MARCHF1: variants seen among roughly 807,000 people sequenced by gnomAD.
MARCHF1 encodes membrane associated ring-CH-type finger 1, also known as E3 ubiquitin-protein ligase MARCHF1.
A neutral mutation model predicts 54.2 loss-of-function variants in MARCHF1; 40 were observed. The observed-to-expected ratio is 0.74, with a 90% CI of 0.57 to 0.96. MARCHF1 has a LOEUF of 0.96. MARCHF1 is among the 40% of genes least tolerant of loss of function. The pLI, the probability that MARCHF1 is intolerant of heterozygous loss-of-function variation, is 0.00. For missense variants in MARCHF1, 586 were observed against 656.5 expected (o/e 0.89, Z 1.17); for synonymous variants, 236 against 236.3 (o/e 1.00, Z 0.01).
chr4:164,345,146 A>G (rs996958261), intron 1 of MARCHF1, among the ~76,000 whole-genome samples: 2 of 152,204 alleles, frequency 1.3e-5, no homozygotes, highest in Non-Finnish European at 2.9e-5. Flanking sequence ...AAAAATTCCT[A>G]ACACAAATAA....
At chr4:164,068,535 A>G (rs1392287365) in intron 2 of MARCHF1, among the ~76,000 whole-genome samples, 1 of 152,066 alleles carries the variant, frequency 6.6e-6, no homozygotes, top group Non-Finnish European at 1.5e-5. Flanking sequence ...GGGGCTTAGC[A>G]CCTGGGCCAG....
chr4:163,675,318 G>C (rs1743876477), intron 5 of MARCHF1, among the ~76,000 whole-genome samples: 1 of 152,150 alleles, frequency 6.6e-6, no homozygotes, highest in Admixed American at 6.5e-5. Context: ...TACGATTTCA[G>C]AATTTTTGTT....
At chr4:163,646,038 A>G (rs969776527) in intron 5 of MARCHF1, among the ~76,000 whole-genome samples, 7 of 151,230 alleles carry the variant, frequency 4.6e-5, no homozygotes, top group African/African-American at 1.5e-4. Flanking sequence ...AAAGGAGTCT[A>G]AACAAGTTCA....
At chr4:163,609,104 T>A (rs1741238026) in intron 7 of MARCHF1, among the ~76,000 whole-genome samples, 1 of 152,062 alleles carries the variant, frequency 6.6e-6, no homozygotes, top group Non-Finnish European at 1.5e-5. Context: ...AATGCACACA[T>A]GCCGTTGTTT....
In MARCHF1 at chr4:163,803,582, G is replaced by C. The variant is rs529571973; in HGVS notation, c.111+50439C>G. The stretch of plus-strand genomic sequence containing the variant: ...GCTTTGCAAGCATATTCTCTTTCAT[G>C]TAATACTATGTACACAGCTCAAGCA... On this transcript the variant is annotated intron_variant, in intron 4 of 9. Transcript: ENST00000514618. 1.3e-4 allele frequency among the ~76,000 whole-genome samples: 20 copies of C among 152,218 alleles called. No homozygotes were observed. In the East Asian group the frequency reaches 3.3e-3, roughly 25 times the overall value.
chr4:163,922,219 G>C (rs529262328), intron 3 of MARCHF1, among the ~76,000 whole-genome samples: 3 of 151,608 alleles, frequency 2.0e-5, no homozygotes, highest in Non-Finnish European at 4.4e-5. Flanking sequence ...GTTGTGGGGT[G>C]GGGGGAGTGG....
At chr4:164,176,978 C>A (rs4056068) in intron 1 of MARCHF1, among the ~76,000 whole-genome samples, 13,172 of 36,190 alleles carry the variant, frequency 0.36, 2,531 homozygotes, top group Non-Finnish European at 0.44. Flanking sequence ...CTCTCTCTCT[C>A]TCTATATATA....
intron 3 of MARCHF1, among the ~76,000 whole-genome samples, chr4:163,919,402 T>C (rs1484577170): frequency 2.6e-5 from 4 of 151,902 alleles, no homozygotes; most frequent in African/African-American, 2.4e-5. Flanking sequence ...ACTTGAAATA[T>C]TGCACTGAAA....
rs541695861 is a variant in MARCHF1 at position 164,273,164 on chromosome 4, T to C, written c.-323+110706A>G. 3.9e-5 allele frequency among the ~76,000 whole-genome samples: 6 copies of C among 152,164 alleles called. No individual in the cohort carries two copies. The East Asian group carries it at 1.2e-3, about 29-fold the overall frequency. On this transcript the variant is annotated intron_variant, in intron 1 of 9. Transcript: ENST00000514618. ...TAATTTATAAAGGAAAGAAGTTTAA[T>C]TGGCTCACAGTTCAGTACAGCTTGG...
At chr4:164,215,603 C>A (rs1731907629) in intron 1 of MARCHF1, among the ~76,000 whole-genome samples, 1 of 152,166 alleles carries the variant, frequency 6.6e-6, no homozygotes, top group Non-Finnish European at 1.5e-5. Flanking sequence ...GGACCATGCC[C>A]TTCCCTTCCC....
intron 1 of MARCHF1, among the ~76,000 whole-genome samples, chr4:164,167,135 T>C (rs949440290): frequency 3.3e-5 from 5 of 151,658 alleles, no homozygotes; most frequent in Admixed American, 1.3e-4. Context: ...AATGAGACAA[T>C]ATATGTGACA....
At chr4:164,093,499 C>T (rs1755346961) in intron 2 of MARCHF1, among the ~76,000 whole-genome samples, 1 of 152,096 alleles carries the variant, frequency 6.6e-6, no homozygotes, top group Admixed American at 6.6e-5. Flanking sequence ...TGCTCTCAGC[C>T]TCCATTCTCA....
intron 3 of MARCHF1, among the ~76,000 whole-genome samples, chr4:163,910,083 T>G (rs1012868012): frequency 2.0e-5 from 3 of 147,902 alleles, no homozygotes; most frequent in African/African-American, 7.5e-5. Flanking sequence ...ATTCGAAGCA[T>G]AGTCAAACAT....
intron 1 of MARCHF1, among the ~76,000 whole-genome samples, chr4:164,202,158 T>C (rs1424198695): frequency 2.0e-5 from 3 of 152,200 alleles, no homozygotes; most frequent in Non-Finnish European, 4.4e-5. Flanking sequence ...AGCCAAGAGC[T>C]TAGGGAGCTG....
chr4:164,168,824 G>A (rs1471893865), intron 1 of MARCHF1, among the ~76,000 whole-genome samples: 8 of 151,880 alleles, frequency 5.3e-5, no homozygotes, highest in Non-Finnish European at 8.8e-5. Flanking sequence ...ACTGTTAACT[G>A]GAATCCAATA....
intron 9 of MARCHF1, among the ~76,000 whole-genome samples, chr4:163,535,753 C>CTTTTTTTTTTTTTT (rs34118311): frequency 1.4e-5 from 2 of 144,162 alleles, no homozygotes. Context: ...TATAGAAGGG[C>CTTTTTTTTTTTTTT]TTTTTTTTTT....
chr4:164,351,119 G>A (rs944349591), intron 1 of MARCHF1, among the ~76,000 whole-genome samples: 2 of 152,132 alleles, frequency 1.3e-5, no homozygotes, highest in South Asian at 2.1e-4. Flanking sequence ...CCTACCCCAC[G>A]GAATCTCGCT....
At chr4:164,095,596 T>C (rs1235219756) in intron 2 of MARCHF1, among the ~76,000 whole-genome samples, 1 of 152,130 alleles carries the variant, frequency 6.6e-6, no homozygotes, top group Non-Finnish European at 1.5e-5. Flanking sequence ...ACAATTATAA[T>C]AAACCATAAT....
intron 1 of MARCHF1, among the ~76,000 whole-genome samples, chr4:164,243,303 AAG>A (rs1732833960): frequency 7.1e-6 from 1 of 141,784 alleles, no homozygotes; most frequent in African/African-American, 2.7e-5. Context: ...TACAAGCCAG[AAG>A]AGAGTGGGGG....
Sources: allele counts gnomAD v4.1 joint callset (sites outside exome capture counted in the v4.1 genomes callset), GRCh38; gene constraint gnomAD v4.1.1; transcripts MANE v1.5; gene names NCBI Gene and HGNC (gene_info 2026-07-23, HGNC 2026-07-21).